F7: variants seen among roughly 807,000 people sequenced by gnomAD.
F7 encodes the protein FVII coagulation protein.
F7 carries 38 observed loss-of-function variants against 47.5 expected under a neutral mutation model. The ratio of observed to expected loss-of-function variants is 0.80; its 90% confidence interval spans 0.62 to 1.05. F7 has a LOEUF of 1.05. F7 is among the 50% of genes least tolerant of loss of function. The pLI is 0.00. For synonymous variants in F7, 244 were observed against 258.5 expected, an observed-to-expected ratio of 0.94 and a Z score of 0.54; for missense variants, 575 against 605.4, an observed-to-expected ratio of 0.95 and a Z score of 0.53.
rs1288686779 is a variant in F7, at chr13:113,117,532, G to T, written c.675G>T (p.Trp225Cys). Residue 225 changes from tryptophan (W) to cysteine (C), a missense_variant, in exon 7 of 8, where the codon TGG becomes TGT. By Grantham distance (215) the Trp-to-Cys change is radical. Transcript: ENST00000346342. ...GGGGGACCCTGATCAACACCATCTG[G>T]GTGGTCTCCGCGGCCCACTGTTTCG... ...LCGGTLINTI[W>C]VVSAAHCFDK... 46 of 1,614,070 alleles carry T rather than the reference G, an allele frequency of 2.8e-5. No individual in the cohort carries two copies. Among genetic ancestry groups the T allele is most frequent in the Non-Finnish European group, 3.9e-5 (46 of 1,180,032 alleles).
intron 1 of F7, chr13:113,110,260 G>C (rs1452128413): frequency 5.6e-6 from 1 of 178,724 alleles, no homozygotes; most frequent in African/African-American, 2.4e-5. Context: ...CGCGGTGCGG[G>C]TGGAGACGAG....
Position 113,118,764 on chromosome 13 carries a change from A to G in F7, c.1091A>G (p.Tyr364Cys). 2 of 1,613,218 alleles carry G rather than the reference A, an allele frequency of 1.2e-6. No homozygotes were observed. The highest frequency in any genetic ancestry group is 1.7e-6 in the Non-Finnish European group (2 of 1,179,978). ...KVGDSPNITE[Y>C]MFCAGYSDGS... ...GGAGACTCCCCAAATATCACGGAGTACATGTTCTGTGCCGGCTACTCGGAT... is the reference window on the plus strand; with the variant it reads ...GGAGACTCCCCAAATATCACGGAGTGCATGTTCTGTGCCGGCTACTCGGAT... Residue 364 changes from tyrosine to cysteine, a missense_variant, in exon 8 of 8, where the codon TAC becomes TGC. Physicochemically the swap from Tyr to Cys is radical, Grantham distance 194 (BLOSUM62 -2). Coordinates refer to ENST00000346342, the MANE Select transcript of F7 (RefSeq NM_019616.4).
intron 1 of F7, 149 bp downstream of exon 1, chr13:113,106,054 C>T: frequency 1.6e-6 from 1 of 644,128 alleles, no homozygotes; most frequent in Non-Finnish European, 2.6e-6. Context: ...AATTTCTTTC[C>T]TTCTAGAAAC....
At position 113,105,852 on chromosome 13, in the gene F7, A is replaced by G; in HGVS notation, c.11A>G (p.Gln4Arg). 1 of 1,589,620 alleles carries G rather than the reference A, an allele frequency of 6.3e-7. No individual in the cohort carries two copies. The highest frequency in any genetic ancestry group is 8.6e-7 in the Non-Finnish European group (1 of 1,168,666). MVS[Q>R]ALRLLCLLLG... ...TGCAGAGATTTCATCATGGTCTCCC[A>G]GGCCCTCAGGCTCCTCTGCCTTCTG... The change falls in exon 1 of 8, where the codon CAG becomes CGG. Residue 4 changes from glutamine (Q) to arginine (R), a missense_variant. Coordinates refer to ENST00000346342, the MANE Select transcript of F7 (RefSeq NM_019616.4).
chr13:113,111,984 C>T (rs1384553434), intron 2 of F7, among the ~76,000 whole-genome samples: 1 of 149,128 alleles, frequency 6.7e-6, no homozygotes, highest in Non-Finnish European at 1.5e-5. Flanking sequence ...GGACACCTCA[C>T]ACTCAGGGTG....
At chr13:113,107,175 T>C (rs954327204) in intron 1 of F7, among the ~76,000 whole-genome samples, 2 of 152,096 alleles carry the variant, frequency 1.3e-5, no homozygotes, top group Non-Finnish European at 2.9e-5. Context: ...TCTTGAGAGC[T>C]TTTCTGATGC....
rs1449263522 is a variant in F7 at position 113,119,502 on chromosome 13, C to T, written c.*494C>T. 5.3e-6 allele frequency: 1 copy of T among 189,696 alleles called. No individual in the cohort carries two copies. The highest frequency in any genetic ancestry group is 5.4e-5 in the Admixed American group (1 of 18,356). The allele number at this position is 189,696 out of a possible 1,614,324, so 11.8% of individuals were successfully genotyped here. On this transcript the variant is annotated 3_prime_UTR_variant, in exon 8 of 8. Coordinates refer to ENST00000346342, the MANE Select transcript of F7 (RefSeq NM_019616.4). ...ATGCACACACACAGAGATATGCACA[C>T]ACACGGATGCACACACAGATGGTCA...
intron 1 of F7, among the ~76,000 whole-genome samples, chr13:113,106,251 G>T: frequency 7.5e-6 from 1 of 132,758 alleles, no homozygotes; most frequent in Non-Finnish European, 1.6e-5. Flanking sequence ...GTGCTCCCAG[G>T]CTGGGGAGCA....
rs1052004322 is a variant in F7 at position 113,118,550 on chromosome 13, A to G, written c.877A>G (p.Thr293Ala). ...CCGCCTGCACCAGCCCGTGGTCCTCACTGACCATGTGGTGCCCCTCTGCCT... is the reference window on the plus strand; with the variant it reads ...CCGCCTGCACCAGCCCGTGGTCCTCGCTGACCATGTGGTGCCCCTCTGCCT... Reference protein sequence around the residue: ...LLRLHQPVVLTDHVVPLCLPE... With the variant: ...LLRLHQPVVLADHVVPLCLPE... The change falls in exon 8 of 8, where the codon ACT becomes GCT. Residue 293 changes from threonine (T) to alanine (A), a missense_variant. Coordinates refer to ENST00000346342, the MANE Select transcript of F7 (RefSeq NM_019616.4). 1.2e-6 allele frequency: 2 copies of G among 1,612,518 alleles called. No homozygotes were observed. Among genetic ancestry groups the G allele is most frequent in the African/African-American group, 1.3e-5 (1 of 75,022 alleles).
chr13:113,109,034 A>G (rs1625275), intron 1 of F7, among the ~76,000 whole-genome samples: 2,976 of 3,648 alleles, frequency 0.82, 1,431 homozygotes, highest in Non-Finnish European at 0.85. Context: ...GGGGGAGTGG[A>G]TGTCCCGGGA....
chr13:113,118,948 G>A lies in F7; in HGVS notation c.1275G>A (p.Leu425=). The change falls in exon 8 of 8, where the codon CTG becomes CTA. Residue 425 remains leucine (L), a synonymous_variant. Transcript: ENST00000346342. The stretch of plus-strand genomic sequence containing the variant: ...GGGTCTCCCAGTACATCGAGTGGCT[G>A]CAAAAGCTCATGCGCTCAGAGCCAC... ...YTRVSQYIEW[L]QKLMRSEPRP... The A allele has an allele frequency of 6.2e-7, 1 of 1,608,548 alleles. No individual in the cohort carries two copies. The highest frequency in any genetic ancestry group is 8.5e-7 in the Non-Finnish European group (1 of 1,179,954).
chr13:113,116,330 G>C (rs1041195761), intron 5 of F7, among the ~76,000 whole-genome samples: 1 of 152,160 alleles, frequency 6.6e-6, no homozygotes, highest in Non-Finnish European at 1.5e-5. Flanking sequence ...CCACCTCCTC[G>C]GGCTTCCTTT....
rs145008039 is a variant in F7 at position 113,113,022 on chromosome 13, C to T, written c.226-730C>T. Among the ~76,000 whole-genome samples, 316 of 151,702 alleles carry T rather than the reference C, an allele frequency of 2.1e-3. 3 individuals carry two copies. The highest frequency in any genetic ancestry group is 7.4e-3 in the African/African-American group (303 of 41,136). ...CAGATCATCTCATTCTCACAGGACA[C>T]CTCCCTCTCACAGGTCACCTTACAC... is the stretch of plus-strand genomic sequence containing the variant. On this transcript the variant is annotated intron_variant, in intron 2 of 7. Coordinates refer to ENST00000346342, the MANE Select transcript of F7 (RefSeq NM_019616.4). The surrounding 1 kb of genome is among the most constrained non-coding windows in gnomAD (Gnocchi z 4.1).
At chr13:113,118,028 C>T (rs536010515) in intron 7 of F7, among the ~76,000 whole-genome samples, 1 of 152,266 alleles carries the variant, frequency 6.6e-6, no homozygotes, top group East Asian at 1.9e-4. Flanking sequence ...GATGCGACAC[C>T]CAGGGCCTCA....
Position 113,118,957 on chromosome 13 carries a change from C to T in F7, c.1284C>T (p.Leu428=). The T allele has an allele frequency of 3.7e-6, 6 of 1,606,598 alleles. No homozygotes were observed. In the South Asian group the frequency reaches 6.6e-5, roughly 18 times the overall value. ...AGTACATCGAGTGGCTGCAAAAGCTCATGCGCTCAGAGCCACGCCCAGGAG... is the reference window on the plus strand; with the variant it reads ...AGTACATCGAGTGGCTGCAAAAGCTTATGCGCTCAGAGCCACGCCCAGGAG... ...VSQYIEWLQK[L]MRSEPRPGVL... is the part of the protein sequence containing the mutation. The change falls in exon 8 of 8, where the codon CTC becomes CTT. Residue 428 remains leucine (L), a synonymous_variant. Transcript: ENST00000346342.
rs1293775008 is a variant in F7 at position 113,107,931 on chromosome 13, C to T, written c.64+2026C>T. ...GTGAGTGTCCCAGGGGCGTGGGTGTCCCGGGGGTGTGGGTGTCCCGGGGGC... is the reference window on the plus strand; with the variant it reads ...GTGAGTGTCCCAGGGGCGTGGGTGTTCCGGGGGTGTGGGTGTCCCGGGGGC... On this transcript the variant is annotated intron_variant, in intron 1 of 7. Coordinates refer to ENST00000346342, the MANE Select transcript of F7 (RefSeq NM_019616.4). Among the ~76,000 whole-genome samples, 13 of 88,264 alleles carry T rather than the reference C, an allele frequency of 1.5e-4. 2 individuals carry two copies. The highest frequency in any genetic ancestry group is 2.2e-4 in the Non-Finnish European group (9 of 41,504). The allele number at this position is 88,264 out of a possible 152,430, so 57.9% of individuals were successfully genotyped here.
intron 1 of F7, among the ~76,000 whole-genome samples, chr13:113,106,189 G>C (rs79291591): frequency 6.8e-6 from 1 of 146,038 alleles, no homozygotes; most frequent in Non-Finnish European, 1.5e-5. Context: ...CTGTGAGGTC[G>C]GACAAGCGCA....
At chr13:113,117,034 C>G in intron 6 of F7, 159 bp downstream of exon 6, 1 of 702,190 alleles carries the variant, frequency 1.4e-6, no homozygotes, top group African/African-American at 1.8e-5. Context: ...CACCCCCATG[C>G]TTTTAGTGGG....
chr13:113,110,889 G>A (rs1367283877), intron 2 of F7, 39 bp downstream of exon 2: 22 of 1,544,798 alleles, frequency 1.4e-5, no homozygotes, highest in Admixed American at 3.9e-5. Flanking sequence ...CGCGGACACT[G>A]CAGGCGGCGG....
Sources: allele counts gnomAD v4.1 joint callset (sites outside exome capture counted in the v4.1 genomes callset), GRCh38; gene constraint gnomAD v4.1.1; non-coding constraint Gnocchi (gnomAD v3.1); transcripts MANE v1.5; gene names NCBI Gene and HGNC (gene_info 2026-07-23, HGNC 2026-07-21).